RPL18: variants seen among roughly 807,000 people sequenced by gnomAD.
RPL18 encodes the protein large ribosomal subunit protein eL18.
A neutral mutation model predicts 25.0 loss-of-function variants in RPL18; 4 were observed. The ratio of observed to expected loss-of-function variants is 0.16; its 90% CI spans 0.08 to 0.37. RPL18 has a LOEUF of 0.37. RPL18 is among the 10% of genes least tolerant of loss of function. The pLI is 1.00. For missense variants in RPL18, 179 were observed against 267.9 expected, an observed-to-expected ratio of 0.67 and a Z score of 2.32; for synonymous variants, 129 against 101.6, an observed-to-expected ratio of 1.27 and a Z score of -1.62.
At chr19:48,616,705 G>T in intron 4 of RPL18, 21 bp downstream of exon 4, 2 of 1,530,230 alleles carry the variant, frequency 1.3e-6, no homozygotes, top group African/African-American at 1.4e-5. Flanking sequence ...TGATGGGTCT[G>T]CCCAGCCCCC....
intron 3 of RPL18, chr19:48,617,030 C>T (rs1036309794): frequency 4.3e-6 from 3 of 702,858 alleles, no homozygotes; most frequent in Non-Finnish European, 7.8e-6. Context: ...ATAGGGCCTC[C>T]CTCAGCAGAG....
chr19:48,617,961 A>G, intron 1 of RPL18, 84 bp from the exon 2 acceptor site: 2 of 1,076,582 alleles, frequency 1.9e-6, no homozygotes, highest in East Asian at 4.9e-5. Context: ...GAGAGCTGGG[A>G]CACAAGCCCA....
chr19:48,615,809 A>G (rs1007788445), intron 6 of RPL18, 68 bp downstream of exon 6: 8 of 1,400,972 alleles, frequency 5.7e-6, no homozygotes, highest in Non-Finnish European at 6.9e-6. Flanking sequence ...AAGCAGCCCA[A>G]GTGTGGCCAG....
In RPL18 at chr19:48,616,708, C is replaced by G. The variant is rs201884163; in HGVS notation, c.297+18G>C. ...ACAGCAAGGGTCTGATGGGTCTGCC[C>G]AGCCCCCGCCAGCTCACCTTCAGTT... On this transcript the variant is annotated intron_variant, in intron 4 of 6. Transcript: ENST00000549920. The G allele has an allele frequency of 2.3e-5, 35 of 1,552,736 alleles. No individual in the cohort carries two copies. The East Asian group carries it at 8.0e-4, about 36-fold the overall frequency.
chr19:48,616,566 C>T (rs533402962), intron 4 of RPL18, 160 bp downstream of exon 4: 26 of 725,650 alleles, frequency 3.6e-5, no homozygotes, highest in Non-Finnish European at 6.2e-5. Flanking sequence ...ATGCCAGAGA[C>T]GACCCACACC....
intron 6 of RPL18, 90 bp from the exon 7 acceptor site, chr19:48,615,537 G>A: frequency 9.9e-7 from 1 of 1,010,462 alleles, no homozygotes; most frequent in Non-Finnish European, 1.5e-6. Context: ...GTCACATTCA[G>A]CCCCAGGAGA....
At chr19:48,617,472 C>A (rs746593960) in intron 2 of RPL18, 49 bp from the exon 3 acceptor site, 35 of 1,363,092 alleles carry the variant, frequency 2.6e-5, no homozygotes, top group Middle Eastern at 2.0e-4. Context: ...TGCTCCCCCG[C>A]AGCCTTCCAG....
At chr19:48,617,219 C>A (rs775190464) in intron 3 of RPL18, 97 bp downstream of exon 3, 3 of 946,108 alleles carry the variant, frequency 3.2e-6, no homozygotes, top group African/African-American at 3.2e-5. Flanking sequence ...CCCTTGATGC[C>A]CTGGTTGCTC....
intron 1 of RPL18, chr19:48,618,531 T>C (rs12610339): frequency 0.094 from 14,671 of 156,116 alleles, 1,177 homozygotes; most frequent in East Asian, 0.26. Flanking sequence ...ACAAGAACTA[T>C]TTAATAGCTC....
chr19:48,619,012 C>A lies in RPL18; in HGVS notation c.3+129G>T, dbSNP rs1224304017. On this transcript the variant is annotated intron_variant, in intron 1 of 6. Coordinates refer to ENST00000549920, the MANE Select transcript of RPL18 (RefSeq NM_000979.4). ...TGCTTTCCTGGCCCCCAGAGTAGGT[C>A]CCCAGTATCGGGAATTGCTCCCTCC... 8.4e-6 allele frequency: 8 copies of A among 953,998 alleles called. No individual in the cohort carries two copies. The East Asian group carries it at 2.1e-4, about 25-fold the overall frequency. 59.1% of individuals were successfully genotyped at this position (953,998 alleles called of 1,614,324 possible).
At chr19:48,617,239 C>G in intron 3 of RPL18, 77 bp downstream of exon 3, 1 of 1,147,654 alleles carries the variant, frequency 8.7e-7, no homozygotes, top group Non-Finnish European at 1.3e-6. Context: ...CCCAGAGCTC[C>G]AAGTCCTGCC....
Position 48,617,436 on chromosome 19 carries a change from G to A in RPL18, c.91-13C>T, listed in dbSNP as rs753908208. Reference sequence around the variant, plus strand: ...GAAACCTGTATAACTGGAGGGACGGGAAGACAGTGAGAAGCTGGGACAGCC... The same window carrying A: ...GAAACCTGTATAACTGGAGGGACGGAAAGACAGTGAGAAGCTGGGACAGCC... On this transcript the variant is annotated splice_polypyrimidine_tract_variant and intron_variant, in intron 2 of 6. Transcript: ENST00000549920. 1 of 1,596,224 alleles carries A rather than the reference G, an allele frequency of 6.3e-7. No individual in the cohort carries two copies. Among genetic ancestry groups the A allele is most frequent in the Non-Finnish European group, 8.6e-7 (1 of 1,164,084 alleles).
chr19:48,616,443 G>A (rs543531322), intron 4 of RPL18: 6 of 655,822 alleles, frequency 9.1e-6, no homozygotes, highest in African/African-American at 9.0e-5. Context: ...GACCTGTGCA[G>A]AGGTGACAAA....
chr19:48,617,770 G>A (rs1472920294), intron 2 of RPL18, 21 bp downstream of exon 2: 1 of 1,600,420 alleles, frequency 6.2e-7, no homozygotes, highest in Admixed American at 1.7e-5. Context: ...CCTTCCCAAA[G>A]ACCTCAGGGC....
intron 3 of RPL18, 187 bp downstream of exon 3, chr19:48,617,129 C>G: frequency 4.2e-6 from 3 of 721,722 alleles, no homozygotes; most frequent in Non-Finnish European, 7.6e-6. Context: ...AGAGGAGGAC[C>G]AGGAGACTTG....
Position 48,616,133 on chromosome 19 carries a change from A to G in RPL18, c.367T>C (p.Phe123Leu). The G allele has an allele frequency of 1.2e-6, 2 of 1,614,112 alleles. No individual in the cohort carries two copies. Among genetic ancestry groups the G allele is most frequent in the Non-Finnish European group, 1.7e-6 (2 of 1,180,010 alleles). ...ILRAGGKILT[F>L]DQLALDSPKG... ...GGGGAGTCCAGGGCCAGCTGGTCGAAAGTGAGGATCTTGCCCCCTGCCCTG... is the reference window on the plus strand; with the variant it reads ...GGGGAGTCCAGGGCCAGCTGGTCGAGAGTGAGGATCTTGCCCCCTGCCCTG... The change falls in exon 5 of 7, where the codon TTC becomes CTC. Residue 123 changes from phenylalanine to leucine, a missense_variant. Physicochemically the swap from Phe to Leu is conservative, Grantham distance 22 (BLOSUM62 0). Transcript: ENST00000549920.
In RPL18 at chr19:48,615,425, G is replaced by T. The variant is rs199925096; in HGVS notation, c.514C>A (p.Arg172=). The T allele has an allele frequency of 1.2e-6, 2 of 1,613,012 alleles. No individual in the cohort carries two copies. Among genetic ancestry groups the T allele is most frequent in the African/African-American group, 2.7e-5 (2 of 74,910 alleles). Reference sequence around the variant, plus strand: ...CGGCCTCTGGCACGCTCGAACTTCCGGCCCTTGGAGCGGACGTAGGGTCTG... The same window carrying T: ...CGGCCTCTGGCACGCTCGAACTTCCTGCCCTTGGAGCGGACGTAGGGTCTG... ...HTKPYVRSKG[R]KFERARGRRA... The change falls in exon 7 of 7, where the codon CGG becomes AGG. Residue 172 remains arginine (R), a synonymous_variant. Transcript: ENST00000549920.
At chr19:48,616,476 C>A in intron 4 of RPL18, 1 of 679,232 alleles carries the variant, frequency 1.5e-6, no homozygotes. Context: ...TGAGCCCAGG[C>A]TGTCTGGCTC....
intron 6 of RPL18, 199 bp downstream of exon 6, chr19:48,615,678 G>A (rs1439339882): frequency 1.5e-6 from 1 of 651,760 alleles, no homozygotes; most frequent in Non-Finnish European, 2.7e-6. Flanking sequence ...ATGCTCCCCA[G>A]GAGATGCCTG....
Sources: allele counts gnomAD v4.1 joint callset, GRCh38; gene constraint gnomAD v4.1.1; transcripts MANE v1.5; gene names NCBI Gene and HGNC (gene_info 2026-07-23, HGNC 2026-07-21).